CFAP46: variants seen among roughly 807,000 people sequenced by gnomAD.
CFAP46 encodes cilia- and flagella-associated protein 46.
Under a neutral mutation model 325.7 loss-of-function variants are expected in CFAP46, and 245 were observed. The ratio of observed to expected loss-of-function variants is 0.75; its 90% CI spans 0.68 to 0.84. The LOEUF (loss-of-function observed/expected upper bound fraction) is 0.84, where lower values mean the gene tolerates loss of function less well. Ranked by LOEUF, CFAP46 falls within the 40% of genes least tolerant of loss-of-function variation. The pLI is 0.00. For synonymous variants in CFAP46, 1,523 were observed against 1,495.9 expected (o/e 1.02, Z -0.42); for missense variants, 3,346 against 3,543.0 (o/e 0.94, Z 1.41).
chr10:132,865,976 T>A lies in CFAP46; in HGVS notation c.4890+49A>T, dbSNP rs916680425. 2.8e-6 allele frequency: 4 copies of A among 1,441,068 alleles called. No homozygotes were observed. In the Admixed American group the frequency reaches 1.1e-4, roughly 39 times the overall value. 89.3% of individuals were successfully genotyped at this position (1,441,068 alleles called of 1,614,324 possible). On this transcript the variant is annotated intron_variant, in intron 35 of 57. Coordinates refer to ENST00000368586, the MANE Select transcript of CFAP46 (RefSeq NM_001200049.3). ...CCCGCAGTCCCTCCACTGTGCACAGTGCGCTGGGAGCGGCTGTGGATGGTG... is the reference window on the plus strand; with the variant it reads ...CCCGCAGTCCCTCCACTGTGCACAGAGCGCTGGGAGCGGCTGTGGATGGTG...
chr10:132,824,516 T>C (rs868794361), intron 50 of CFAP46, among the ~76,000 whole-genome samples: 2 of 108,216 alleles, frequency 1.8e-5, no homozygotes, highest in Admixed American at 8.6e-5. Context: ...TGTGTGCTGA[T>C]GTGTGCTGTG....
rs933948216 is a variant in CFAP46, at chr10:132,876,729, C to T, written c.4362+83G>A. On this transcript the variant is annotated intron_variant, in intron 31 of 57. Coordinates refer to ENST00000368586, the MANE Select transcript of CFAP46 (RefSeq NM_001200049.3). This position sits in a 1 kb window ranked among gnomAD's most constrained non-coding sequence, Gnocchi z 4.1. ...TCCTCCTTTTTCTGGCTACAGTTCA[C>T]AGTGAAAACTGGACTTGGGGACAGG... 3.6e-6 allele frequency: 5 copies of T among 1,386,516 alleles called. No homozygotes were observed. In the African/African-American group the frequency reaches 7.3e-5, roughly 20 times the overall value. The allele number at this position is 1,386,516 out of a possible 1,614,324, so 85.9% of individuals were successfully genotyped here. A position where few individuals can be genotyped will look rare whatever the true frequency, so the allele number is the denominator to read the frequency against.
rs1848246838 is a variant in CFAP46 at position 132,836,297 on chromosome 10, G to C, written c.6537-79C>G. ...TCACAGCCCAGCTCCAGCGACCTCA[G>C]AGGAGCCCAGTGAGGCCAACTCTGC... On this transcript the variant is annotated intron_variant, in intron 45 of 57. Transcript: ENST00000368586. The C allele has an allele frequency of 3.6e-6, 5 of 1,397,424 alleles. No individual in the cohort carries two copies. In the South Asian group the frequency reaches 4.7e-5, roughly 13 times the overall value. 86.6% of individuals were successfully genotyped at this position (1,397,424 alleles called of 1,614,324 possible). A position where few individuals can be genotyped will look rare whatever the true frequency, so the allele number is the denominator to read the frequency against.
In CFAP46 at chr10:132,839,401, C is replaced by T. The variant is rs147524084; in HGVS notation, c.6439-2487G>A. Among the ~76,000 whole-genome samples, 230 of 152,338 alleles carry T rather than the reference C, an allele frequency of 1.5e-3. 5 individuals carry two copies. The South Asian group carries it at 0.045, about 30-fold the overall frequency. ...CCTCACCGGAAGGAGGAAGAGCCTT[C>T]GTGAACCCTCGGCCACAGAGAGAAC... is the stretch of plus-strand genomic sequence containing the variant. On this transcript the variant is annotated intron_variant, in intron 44 of 57. Transcript: ENST00000368586.
At chr10:132,881,675 G>A (rs1038023687) in intron 27 of CFAP46, among the ~76,000 whole-genome samples, 3 of 70,886 alleles carry the variant, frequency 4.2e-5, no homozygotes, top group African/African-American at 6.4e-5. Flanking sequence ...GCAGCCCTGC[G>A]AGCCGGGGTT....
rs1293262035 is a variant in CFAP46, at chr10:132,828,782, GTGTTTCGTTC to G, written c.7117+4566_7117+4575del. On this transcript the variant is annotated intron_variant, in intron 50 of 57. Transcript: ENST00000368586. This position sits in a 1 kb window ranked among gnomAD's most constrained non-coding sequence, Gnocchi z 4.9. ...CGTGGCGTGCGGCCTCGTTTTTGTT[GTGTTTCGTTC>G]TGCACTTGGACGTCCAGGGACTGCA... Among the ~76,000 whole-genome samples, 1 of 152,086 alleles carries G rather than the reference GTGTTTCGTTC, an allele frequency of 6.6e-6. No homozygotes were observed. Among genetic ancestry groups the G allele is most frequent in the Non-Finnish European group, 1.5e-5 (1 of 68,024 alleles).
chr10:132,844,541 C>T (rs55653004), intron 44 of CFAP46, among the ~76,000 whole-genome samples: 1 of 152,204 alleles, frequency 6.6e-6, no homozygotes, highest in Admixed American at 6.5e-5. Flanking sequence ...CTGTGCCTGG[C>T]TGAGATTCGG....
At position 132,827,333 on chromosome 10, in the gene CFAP46, G is replaced by A. The variant is rs1011772347; in HGVS notation, c.7117+6025C>T. ...ACGGAGAACAGCTATAAGCTGCCAC[G>A]CCGACTGCTGTGGGAGCTCCTGGGC... is the stretch of plus-strand genomic sequence containing the variant. On this transcript the variant is annotated intron_variant, in intron 50 of 57. Transcript: ENST00000368586. The surrounding 1 kb of genome is among the most constrained non-coding windows in gnomAD (Gnocchi z 5.7). 7.9e-5 allele frequency among the ~76,000 whole-genome samples: 12 copies of A among 152,264 alleles called. No individual in the cohort carries two copies. The highest frequency in any genetic ancestry group is 7.2e-4 in the Admixed American group (11 of 15,302).
In CFAP46 at chr10:132,836,923, C is replaced by A. The variant is rs761103741; in HGVS notation, c.6439-9G>T. 4 of 1,608,230 alleles carry A rather than the reference C, an allele frequency of 2.5e-6. No individual in the cohort carries two copies. The highest frequency in any genetic ancestry group is 4.5e-5 in the East Asian group (2 of 44,870). ...CAGAGATTTTGCCAAGCCTGTGTGG[C>A]GAAAAACGGCCATCAGGGGATGCAT... On this transcript the variant is annotated splice_polypyrimidine_tract_variant and intron_variant, in intron 44 of 57. Coordinates refer to ENST00000368586, the MANE Select transcript of CFAP46 (RefSeq NM_001200049.3).
At chr10:132,892,525 G>A in intron 24 of CFAP46, 108 bp from the exon 25 acceptor site, 1 of 946,014 alleles carries the variant, frequency 1.1e-6, no homozygotes. Context: ...TCCTTAAACT[G>A]CTTGCTATTG....
At chr10:132,925,733 G>A (rs938331506) in intron 10 of CFAP46, among the ~76,000 whole-genome samples, 2 of 152,264 alleles carry the variant, frequency 1.3e-5, no homozygotes, top group Admixed American at 6.5e-5. Flanking sequence ...CAGCGGCATC[G>A]GCACCCGCCG....
intron 50 of CFAP46, among the ~76,000 whole-genome samples, chr10:132,819,572 C>T (rs1433051973): frequency 3.3e-5 from 5 of 152,142 alleles, no homozygotes; most frequent in African/African-American, 1.2e-4. Context: ...AATGGAGAAT[C>T]CAGAAATAAA....
intron 50 of CFAP46, among the ~76,000 whole-genome samples, chr10:132,824,152 G>A (rs1306952890): frequency 1.2e-4 from 16 of 138,394 alleles, no homozygotes; most frequent in African/African-American, 4.1e-4. Context: ...GATGTGTGCT[G>A]TGTGTGTGCT....
At chr10:132,872,531 T>C (rs1848907580) in intron 32 of CFAP46, 145 bp downstream of exon 32, 1 of 1,022,776 alleles carries the variant, frequency 9.8e-7, no homozygotes, top group Admixed American at 2.2e-5. Flanking sequence ...ACCATTTTCA[T>C]ATTCAAATAT....
chr10:132,909,533 G>A (rs1400214701), intron 20 of CFAP46, among the ~76,000 whole-genome samples: 1 of 152,178 alleles, frequency 6.6e-6, no homozygotes, highest in East Asian at 1.9e-4. Flanking sequence ...GGCTGCTGGG[G>A]CAGGCAGGTC....
intron 8 of CFAP46, among the ~76,000 whole-genome samples, chr10:132,930,782 C>T (rs1316166766): frequency 1.5e-4 from 14 of 90,326 alleles, no homozygotes; most frequent in African/African-American, 6.4e-4. Context: ...CCCACACTCC[C>T]CACACAGAGC....
At chr10:132,865,832 G>A (rs1021001135) in intron 35 of CFAP46, among the ~76,000 whole-genome samples, 193 bp downstream of exon 35, 3 of 152,230 alleles carry the variant, frequency 2.0e-5, no homozygotes, top group African/African-American at 7.2e-5. Flanking sequence ...AACTGTGAGT[G>A]GCAGAGCAAA....
intron 32 of CFAP46, among the ~76,000 whole-genome samples, chr10:132,870,446 C>T (rs1848881793): frequency 6.6e-6 from 1 of 152,146 alleles, no homozygotes; most frequent in South Asian, 2.1e-4. Flanking sequence ...CAAGCTCGGC[C>T]CCTGCACCAG....
chr10:132,908,547 C>T lies in CFAP46; in HGVS notation c.2845G>A (p.Ala949Thr), dbSNP rs988951533. 3.7e-5 allele frequency: 58 copies of T among 1,550,418 alleles called. No homozygotes were observed. Among genetic ancestry groups the T allele is most frequent in the Non-Finnish European group, 5.1e-5 (58 of 1,146,990 alleles). ...LTRLTHFAHAARDHETTMACA... is the reference protein window; with the variant it reads ...LTRLTHFAHATRDHETTMACA... ...GCCATGGTGGTCTCATGGTCACGCG[C>T]TGCATGGGCGAAGTGGGTCAGCCGC... Residue 949 changes from alanine to threonine, a missense_variant, in exon 22 of 58, where the codon GCG (alanine) becomes ACG (threonine). By Grantham distance (58) the Ala-to-Thr change is moderately conservative (BLOSUM62 0). Transcript: ENST00000368586.
Sources: allele counts gnomAD v4.1 joint callset (sites outside exome capture counted in the v4.1 genomes callset), GRCh38; gene constraint gnomAD v4.1.1; non-coding constraint Gnocchi (gnomAD v3.1); transcripts MANE v1.5; gene names NCBI Gene and HGNC (gene_info 2026-07-23, HGNC 2026-07-21).